The following ATG16L2 variants were observed in gnomAD, a reference collection of about 807,000 sequenced individuals.
The protein encoded by ATG16L2 is protein Atg16l2.
Under a neutral mutation model 84.7 loss-of-function variants are expected in ATG16L2, and 77 were observed. The ratio of observed to expected loss-of-function variants is 0.91; its 90% CI spans 0.76 to 1.10. The LOEUF is 1.10. Among genes scored for constraint, ATG16L2 ranks in the 50% least tolerant of loss-of-function variants. The pLI, the probability that ATG16L2 is intolerant of heterozygous loss-of-function variation, is 0.00. For synonymous variants in ATG16L2, 361 were observed against 342.8 expected, an observed-to-expected ratio of 1.05 and a Z score of -0.59; for missense variants, 782 against 817.6, an observed-to-expected ratio of 0.96 and a Z score of 0.53.
downstream of ATG16L2, among the ~76,000 whole-genome samples, chr11:72,833,869 G>A (rs914462562): frequency 2.0e-5 from 3 of 151,896 alleles, no homozygotes; most frequent in Non-Finnish European, 4.4e-5. Flanking sequence ...GTTGCAGTGA[G>A]CTGACATAGT....
At chr11:72,834,638 A>AGTG (rs959725922) in intron 5 of ATG16L2, among the ~76,000 whole-genome samples, 9 of 150,008 alleles carry the variant, frequency 6.0e-5, no homozygotes, top group Non-Finnish European at 1.0e-4. Flanking sequence ...TCTGGAGTGC[A>AGTG]GTGGCATGAT....
Position 72,822,334 on chromosome 11 carries a change from C to T in ATG16L2, c.644+39C>T, listed in dbSNP as rs1210835414. 30 of 1,532,796 alleles carry T rather than the reference C, an allele frequency of 2.0e-5. No individual in the cohort carries two copies. Among genetic ancestry groups the T allele is most frequent in the Non-Finnish European group, 2.4e-5 (28 of 1,143,368 alleles). 94.9% of individuals were successfully genotyped at this position (1,532,796 alleles called of 1,614,324 possible). ...CCCCGCCCCTCCTGAGGAAAGGCCCCGCCCCTGCAGGGAGGAGTCGGGCCT... is the reference window on the plus strand; with the variant it reads ...CCCCGCCCCTCCTGAGGAAAGGCCCTGCCCCTGCAGGGAGGAGTCGGGCCT... On this transcript the variant is annotated intron_variant, in intron 5 of 17. Coordinates refer to ENST00000321297, the MANE Select transcript of ATG16L2 (RefSeq NM_033388.2). This position sits in a 1 kb window ranked among gnomAD's most constrained non-coding sequence, Gnocchi z 4.2.
At chr11:72,823,767 C>T (rs966550117) in intron 7 of ATG16L2, 28 of 532,162 alleles carry the variant, frequency 5.3e-5, no homozygotes, top group African/African-American at 5.1e-4. Flanking sequence ...TCCCTGTAGG[C>T]CCCGGCTCAG....
Position 72,821,650 on chromosome 11 carries a change from C to A in ATG16L2, c.319-18C>A. The stretch of plus-strand genomic sequence containing the variant: ...TGGAGGGGCCTCAGCGCCGCCGTGC[C>A]CACCTGTCCGCCCCCAGATGGCCTA... On this transcript the variant is annotated intron_variant, in intron 3 of 17. Coordinates refer to ENST00000321297, the MANE Select transcript of ATG16L2 (RefSeq NM_033388.2). 1 of 1,530,708 alleles carries A rather than the reference C, an allele frequency of 6.5e-7. No individual in the cohort carries two copies. Among genetic ancestry groups the A allele is most frequent in the South Asian group, 1.2e-5 (1 of 83,570 alleles). The allele number at this position is 1,530,708 out of a possible 1,614,324, so 94.8% of individuals were successfully genotyped here. A position where few individuals can be genotyped will look rare whatever the true frequency, so the allele number is the denominator to read the frequency against.
chr11:72,840,850 G>A lies in ATG16L2; in HGVS notation c.*22-1767G>A, dbSNP rs186734312. On this transcript the variant is annotated intron_variant, in intron 5 of 5. Transcript: ENST00000534905. ...TTCAATTTGGAAGAACTATGCATTC[G>A]ATAATCCTGCAAGATCAGAGACTTA... 232 of 1,523,184 alleles carry A rather than the reference G, an allele frequency of 1.5e-4. 1 individual carries two copies. The highest frequency in any genetic ancestry group is 5.1e-4 in the Middle Eastern group (3 of 5,900). 94.4% of individuals were successfully genotyped at this position (1,523,184 alleles called of 1,614,324 possible). A position where few individuals can be genotyped will look rare whatever the true frequency, so the allele number is the denominator to read the frequency against.
At chr11:72,818,127 C>T in intron 3 of ATG16L2, 1 of 452,670 alleles carries the variant, frequency 2.2e-6, no homozygotes, top group Non-Finnish European at 4.0e-6. Context: ...TTAGCCTGCT[C>T]TGCTCACTAC....
At chr11:72,837,316 CTTCAG>C (rs1860759196) in intron 5 of ATG16L2, 1 of 152,516 alleles carries the variant, frequency 6.6e-6, no homozygotes, top group African/African-American at 2.4e-5. Flanking sequence ...CTAAAAATTT[CTTCAG>C]TTATCACCTT....
chr11:72,818,397 C>T (rs1859806069), intron 3 of ATG16L2: 1 of 154,330 alleles, frequency 6.5e-6, no homozygotes, highest in African/African-American at 2.4e-5. Context: ...CCTCCCTATT[C>T]CTGTCCCTTC....
At chr11:72,839,779 G>A (rs1317533573) in intron 5 of ATG16L2, among the ~76,000 whole-genome samples, 2 of 152,164 alleles carry the variant, frequency 1.3e-5, no homozygotes, top group East Asian at 1.9e-4. Context: ...CAAGAGAAGA[G>A]ATCGGATTGG....
chr11:72,841,540 G>A lies in ATG16L2; in HGVS notation c.*22-1077G>A, dbSNP rs114942058. ...GCTGCTGGGAGGCTGGTCGTACAACGGCAGTGGAGGCAGGGAGGCGTGTGG... is the reference window on the plus strand; with the variant it reads ...GCTGCTGGGAGGCTGGTCGTACAACAGCAGTGGAGGCAGGGAGGCGTGTGG... On this transcript the variant is annotated intron_variant, in intron 5 of 5. Transcript: ENST00000534905. The A allele has an allele frequency of 9.3e-4, 1,502 of 1,611,086 alleles. 18 individuals carry two copies. In the African/African-American group the frequency reaches 0.017, roughly 19 times the overall value.
chr11:72,834,320 T>G (rs183300933), downstream of ATG16L2, among the ~76,000 whole-genome samples: 19 of 152,282 alleles, frequency 1.2e-4, no homozygotes, highest in Non-Finnish European at 7.4e-5. Flanking sequence ...AAGCTGCAGC[T>G]GGGTTCTTCA....
At chr11:72,821,336 G>T in intron 3 of ATG16L2, 1 of 1,139,314 alleles carries the variant, frequency 8.8e-7, no homozygotes, top group Non-Finnish European at 1.1e-6. Context: ...GTTATGCATG[G>T]TGCTGGGAGC....
chr11:72,824,844 T>A lies in ATG16L2; in HGVS notation c.996+2T>A. 6.3e-7 allele frequency: 1 copy of A among 1,582,186 alleles called. No individual in the cohort carries two copies. The highest frequency in any genetic ancestry group is 8.6e-7 in the Non-Finnish European group (1 of 1,164,234). On this transcript the variant is annotated splice_donor_variant, in intron 9 of 17. Coordinates refer to ENST00000321297, the MANE Select transcript of ATG16L2 (RefSeq NM_033388.2). LOFTEE classifies it high-confidence loss of function. ...CCTACCCGGGCTCAGGATGTGCTGG[T>A]AAGGGAGGAGCTGAGCCACATGGGT...
chr11:72,821,777 A>G, intron 4 of ATG16L2, 36 bp downstream of exon 4: 1 of 1,520,846 alleles, frequency 6.6e-7, no homozygotes, highest in Non-Finnish European at 8.8e-7. Flanking sequence ...GACCGCGCCC[A>G]CCTCAGGGAG....
At chr11:72,824,486 C>T in intron 8 of ATG16L2, 2 of 569,418 alleles carry the variant, frequency 3.5e-6, no homozygotes, top group Non-Finnish European at 6.3e-6. Context: ...AAACCCCGGC[C>T]CTGAGGTTTC....
At chr11:72,832,627 G>A (rs146039885), downstream of ATG16L2, among the ~76,000 whole-genome samples, 1 of 152,346 alleles carries the variant, frequency 6.6e-6, no homozygotes, top group Non-Finnish European at 1.5e-5. Context: ...GAACTCTGGT[G>A]CTCAGGGGCT....
intron 3 of ATG16L2, among the ~76,000 whole-genome samples, chr11:72,820,738 C>A (rs1171809195): frequency 1.3e-5 from 2 of 152,124 alleles, no homozygotes; most frequent in Non-Finnish European, 2.9e-5. Flanking sequence ...GAGCCCCCAG[C>A]CTTGGCCTGG....
chr11:72,840,318 A>G (rs1361119064), intron 5 of ATG16L2, among the ~76,000 whole-genome samples: 1 of 152,172 alleles, frequency 6.6e-6, no homozygotes, highest in Non-Finnish European at 1.5e-5. Flanking sequence ...ATGGTATCAA[A>G]AGCTAATAGG....
chr11:72,826,513 TCCAGGG>T lies in ATG16L2; in HGVS notation c.1174-3_1176del. On this transcript the variant is annotated splice_acceptor_variant and splice_polypyrimidine_tract_variant and coding_sequence_variant and intron_variant, in exon 12 of 18. Transcript: ENST00000321297. LOFTEE classifies it high-confidence loss of function. ...CACCTCTCACTTCCTCTCCCATTTCTCCAGGGCTACCAGGTTTTAGCAGCAACTTAC... is the reference window on the plus strand; with the variant it reads ...CACCTCTCACTTCCTCTCCCATTTCTCTACCAGGTTTTAGCAGCAACTTAC... 6.2e-7 allele frequency: 1 copy of T among 1,613,994 alleles called. No individual in the cohort carries two copies. Among genetic ancestry groups the T allele is most frequent in the Non-Finnish European group, 8.5e-7 (1 of 1,180,010 alleles).
Sources: gnomAD v4.1 joint callset for allele counts (sites outside exome capture counted in the v4.1 genomes callset) on GRCh38, gnomAD v4.1.1 for gene constraint, Gnocchi (gnomAD v3.1) non-coding constraint, MANE v1.5 for transcripts, NCBI Gene and HGNC (gene_info 2026-07-23, HGNC 2026-07-21) for gene names.